Variants in ATP8A1 observed in about 807,000 individuals in gnomAD.
ATP8A1 encodes ATPase phospholipid transporting 8A1, also known as phospholipid-transporting ATPase IA.
Under a neutral mutation model 177.7 loss-of-function variants are expected in ATP8A1, and 90 were observed. The observed-to-expected ratio is 0.51, with a 90% CI of 0.43 to 0.60. The LOEUF is 0.60. Among genes scored for constraint, ATP8A1 ranks in the 20% least tolerant of loss-of-function variants. The pLI, the probability that ATP8A1 is intolerant of heterozygous loss-of-function variation, is 0.00. For missense variants in ATP8A1, 1,072 were observed against 1,392.8 expected, an observed-to-expected ratio of 0.77 and a Z score of 3.67; for synonymous variants, 493 against 485.9, an observed-to-expected ratio of 1.01 and a Z score of -0.19.
intron 22 of ATP8A1, among the ~76,000 whole-genome samples, chr4:42,515,999 G>A (rs1725493427): frequency 6.6e-6 from 1 of 152,174 alleles, no homozygotes. Context: ...TTCAATGCAT[G>A]GAAAGCATGA....
At position 42,503,475 on chromosome 4, in the gene ATP8A1, A is replaced by T; in HGVS notation, c.2126T>A (p.Ile709Asn). The change falls in exon 24 of 37, where the codon ATT becomes AAT. Residue 709 changes from isoleucine (I) to asparagine (N), a missense_variant. Around this residue, in one of 5 missense-constraint regions of ATP8A1, gnomAD observed 388 missense variants for 471.7 expected, o/e 0.82. Coordinates refer to ENST00000381668, the MANE Select transcript of ATP8A1 (RefSeq NM_006095.2). ...CKLLKKNMGM[I>N]VINEGSLDGT... ...ATCAAGAGAGCCTTCATTTATAACA[A>T]TCATTCCCATGTTCTTCTTCAACAG... 1 of 1,608,334 alleles carries T rather than the reference A, an allele frequency of 6.2e-7. No individual in the cohort carries two copies. Among genetic ancestry groups the T allele is most frequent in the Non-Finnish European group, 8.5e-7 (1 of 1,176,272 alleles).
rs1184536359 is a variant in ATP8A1 at position 42,517,794 on chromosome 4, TAC to T, written c.1947+4364_1947+4365del. On this transcript the variant is annotated intron_variant, in intron 22 of 36. Coordinates refer to ENST00000381668, the MANE Select transcript of ATP8A1 (RefSeq NM_006095.2). Reference sequence around the variant, plus strand: ...AATGCAAGTATTGGAGCTCAAACAGTACAGTTTTGGAACAGAGCTGATAATTA... The same window carrying T: ...AATGCAAGTATTGGAGCTCAAACAGTAGTTTTGGAACAGAGCTGATAATTA... Among the ~76,000 whole-genome samples, 8 of 152,338 alleles carry T rather than the reference TAC, an allele frequency of 5.3e-5. No individual in the cohort carries two copies. In the East Asian group the frequency reaches 7.7e-4, roughly 15 times the overall value.
intron 1 of ATP8A1, among the ~76,000 whole-genome samples, chr4:42,636,156 A>ACACACACGCGCGCGTGCGCGCGCG (rs565139270): frequency 3.8e-4 from 35 of 90,968 alleles, no homozygotes; most frequent in East Asian, 1.4e-3. Flanking sequence ...ACACACACAC[A>ACACACACGCGCGCGTGCGCGCGCG]CGCACACACA....
intron 25 of ATP8A1, among the ~76,000 whole-genome samples, chr4:42,473,591 C>CTATGAGA (rs1720710487): frequency 6.6e-6 from 1 of 152,032 alleles, no homozygotes; most frequent in Non-Finnish European, 1.5e-5. Flanking sequence ...ATCTCTTTTC[C>CTATGAGA]TATGACTCTG....
chr4:42,598,277 A>G (rs915567828), intron 6 of ATP8A1, among the ~76,000 whole-genome samples: 1 of 152,138 alleles, frequency 6.6e-6, no homozygotes, highest in African/African-American at 2.4e-5. Flanking sequence ...CTAATCTGTG[A>G]TAGCAATTCT....
chr4:42,579,029 A>T (rs974049294), intron 11 of ATP8A1, among the ~76,000 whole-genome samples: 2 of 152,070 alleles, frequency 1.3e-5, no homozygotes, highest in South Asian at 2.1e-4. Context: ...AAAAAAATTT[A>T]AAAATACCAG....
chr4:42,527,232 C>T (rs922833913), intron 20 of ATP8A1, among the ~76,000 whole-genome samples: 1 of 152,146 alleles, frequency 6.6e-6, no homozygotes, highest in Non-Finnish European at 1.5e-5. Context: ...CAGACACAAG[C>T]TGTTATCATG....
At chr4:42,504,916 A>G (rs1238623656) in intron 23 of ATP8A1, among the ~76,000 whole-genome samples, 1 of 152,140 alleles carries the variant, frequency 6.6e-6, no homozygotes, top group East Asian at 1.9e-4. Context: ...TCTCTCTGTA[A>G]CAGAAGACAG....
At chr4:42,559,645 A>C (rs1276466479) in intron 15 of ATP8A1, among the ~76,000 whole-genome samples, 2 of 152,212 alleles carry the variant, frequency 1.3e-5, no homozygotes, top group African/African-American at 4.8e-5. Context: ...ATAAAATACT[A>C]TATGTACAAA....
chr4:42,553,318 C>A (rs12642419), intron 16 of ATP8A1, among the ~76,000 whole-genome samples: 1 of 151,938 alleles, frequency 6.6e-6, no homozygotes, highest in African/African-American at 2.4e-5. Context: ...TCTTACTGCA[C>A]TGGGGTTATA....
chr4:42,649,209 T>TA (rs1221053249), intron 1 of ATP8A1, among the ~76,000 whole-genome samples: 5 of 152,160 alleles, frequency 3.3e-5, no homozygotes, highest in Admixed American at 3.3e-4. Context: ...ATAAAATTAA[T>TA]AAAATTGATC....
At chr4:42,484,206 C>A (rs572421634) in intron 25 of ATP8A1, among the ~76,000 whole-genome samples, 2 of 152,180 alleles carry the variant, frequency 1.3e-5, no homozygotes, top group South Asian at 2.1e-4. Flanking sequence ...CATGAGAATA[C>A]CAAAGTAAAA....
chr4:42,612,560 T>C (rs73237913), intron 5 of ATP8A1, among the ~76,000 whole-genome samples: 33,928 of 150,926 alleles, frequency 0.22, 4,298 homozygotes, highest in Non-Finnish European at 0.29. Flanking sequence ...CTCTGTCTTC[T>C]CTCTGCAGCT....
chr4:42,505,928 T>A (rs1724315052), intron 23 of ATP8A1, among the ~76,000 whole-genome samples: 1 of 152,050 alleles, frequency 6.6e-6, no homozygotes, highest in Non-Finnish European at 1.5e-5. Flanking sequence ...TGAAAAAACT[T>A]TTTTTTTCTT....
In ATP8A1 at chr4:42,614,891, A is replaced by C. The variant is rs113903145; in HGVS notation, c.409+1142T>G. On this transcript the variant is annotated intron_variant, in intron 5 of 36. Coordinates refer to ENST00000381668, the MANE Select transcript of ATP8A1 (RefSeq NM_006095.2). ...CTCTCTGTTCATCCAATGTCCTCCTAAAATTCAAGGTCTAGCTCAAGATAC... is the reference window on the plus strand; with the variant it reads ...CTCTCTGTTCATCCAATGTCCTCCTCAAATTCAAGGTCTAGCTCAAGATAC... Among the ~76,000 whole-genome samples the C allele has an allele frequency of 5.4e-3, 818 of 152,298 alleles. 12 individuals are homozygous for C. Among genetic ancestry groups the C allele is most frequent in the African/African-American group, 0.018 (762 of 41,568 alleles).
rs562981952 is a variant in ATP8A1, at chr4:42,613,682, T to C, written c.409+2351A>G. ...CACTGCAACCTCCGCCTCCTGGGTT[T>C]GAGCGATTCTCCTACCTCAGCCTCC... On this transcript the variant is annotated intron_variant, in intron 5 of 36. Transcript: ENST00000381668. 1.3e-4 allele frequency among the ~76,000 whole-genome samples: 20 copies of C among 152,104 alleles called. No individual in the cohort carries two copies. In the South Asian group the frequency reaches 3.3e-3, roughly 25 times the overall value.
At chr4:42,486,205 C>T (rs970821260) in intron 24 of ATP8A1, among the ~76,000 whole-genome samples, 7 of 152,036 alleles carry the variant, frequency 4.6e-5, no homozygotes, top group African/African-American at 9.7e-5. Flanking sequence ...GTATTTGTCC[C>T]GATTGGCTAG....
chr4:42,601,045 T>C (rs1197248252), intron 5 of ATP8A1, among the ~76,000 whole-genome samples: 3 of 146,314 alleles, frequency 2.1e-5, no homozygotes, highest in Non-Finnish European at 4.5e-5. Flanking sequence ...TTTTTTTTTT[T>C]TTTTTTTTGA....
intron 6 of ATP8A1, among the ~76,000 whole-genome samples, chr4:42,600,251 A>G (rs1376666030): frequency 1.3e-5 from 2 of 152,208 alleles, no homozygotes; most frequent in Non-Finnish European, 2.9e-5. Flanking sequence ...AAAATATACT[A>G]TGAAAAAAAC....
Sources: gnomAD v4.1 joint callset for allele counts (sites outside exome capture counted in the v4.1 genomes callset) on GRCh38, gnomAD v4.1.1 for gene constraint, gnomAD v4.1.1 regional missense constraint, MANE v1.5 for transcripts, NCBI Gene and HGNC (gene_info 2026-07-23, HGNC 2026-07-21) for gene names.